CCDC181: variants seen among roughly 807,000 people sequenced by gnomAD.
CCDC181 encodes the protein coiled-coil domain-containing protein 181.
Under a neutral mutation model 58.7 loss-of-function variants are expected in CCDC181, and 35 were observed. The ratio of observed to expected loss-of-function variants is 0.60; its 90% CI spans 0.46 to 0.79. The LOEUF (loss-of-function observed/expected upper bound fraction) is 0.79, where lower values mean the gene tolerates loss of function less well. Ranked by LOEUF, CCDC181 falls within the 30% of genes least tolerant of loss-of-function variation. The pLI, the probability that CCDC181 is intolerant of heterozygous loss-of-function variation, is 0.00. For missense variants in CCDC181, 517 were observed against 583.9 expected, an observed-to-expected ratio of 0.89 and a Z score of 1.18; for synonymous variants, 183 against 197.5, an observed-to-expected ratio of 0.93 and a Z score of 0.62.
chr1:169,457,293 A>G (rs1657700675), intron 2 of CCDC181, among the ~76,000 whole-genome samples: 1 of 152,088 alleles, frequency 6.6e-6, no homozygotes, highest in Non-Finnish European at 1.5e-5. Context: ...CAGTTTTGCT[A>G]AATTCTCATT....
intron 2 of CCDC181, among the ~76,000 whole-genome samples, chr1:169,450,967 A>G (rs1657521467): frequency 6.6e-6 from 1 of 152,060 alleles, no homozygotes; most frequent in South Asian, 2.1e-4. Flanking sequence ...TTGGATTTTT[A>G]TTTTTCTCAG....
At chr1:169,449,181 TG>T (rs1398894001) in intron 2 of CCDC181, among the ~76,000 whole-genome samples, 1 of 152,218 alleles carries the variant, frequency 6.6e-6, no homozygotes, top group African/African-American at 2.4e-5. Context: ...CTCTTCAGAC[TG>T]TTTTTGTTTG....
chr1:169,422,341 A>G, intron 2 of CCDC181, 28 bp from the exon 3 acceptor site: 4 of 1,461,748 alleles, frequency 2.7e-6, no homozygotes, highest in Admixed American at 2.2e-5. Flanking sequence ...TTCAGTCAAA[A>G]TTGAGATTCT....
intron 2 of CCDC181, among the ~76,000 whole-genome samples, chr1:169,441,272 C>T (rs1299003286): frequency 6.6e-6 from 1 of 152,064 alleles, no homozygotes; most frequent in African/African-American, 2.4e-5. Context: ...TTAAGTTCAT[C>T]ACTTTTTCTG....
chr1:169,457,546 C>T (rs1197788870), intron 2 of CCDC181, among the ~76,000 whole-genome samples: 1 of 152,074 alleles, frequency 6.6e-6, no homozygotes, highest in East Asian at 1.9e-4. Flanking sequence ...TTGATACAAA[C>T]AAGAGTTAAG....
chr1:169,448,041 C>T (rs1657429501), intron 2 of CCDC181, among the ~76,000 whole-genome samples: 1 of 152,072 alleles, frequency 6.6e-6, no homozygotes, highest in African/African-American at 2.4e-5. Flanking sequence ...TTTTAACAAA[C>T]TTAAAACTAA....
At chr1:169,413,240 T>C (rs1656057224) in intron 4 of CCDC181, among the ~76,000 whole-genome samples, 1 of 152,190 alleles carries the variant, frequency 6.6e-6, no homozygotes, top group South Asian at 2.1e-4. Context: ...TAAGAAGACA[T>C]TTATGCAGCC....
intron 4 of CCDC181, among the ~76,000 whole-genome samples, chr1:169,398,338 A>G (rs1298797346): frequency 2.0e-5 from 3 of 152,228 alleles, no homozygotes; most frequent in Non-Finnish European, 4.4e-5. Context: ...TTGAGGTAAT[A>G]TGCTAATTAC....
rs184338982 is a variant in CCDC181, at chr1:169,446,206, G to T, written c.-24+13591C>A. ...CACACCTATAATCCCAGCACTTTGG[G>T]AGGCCGAGGCAGGCGGACCATGAGG... On this transcript the variant is annotated intron_variant, in intron 2 of 6. Transcript: ENST00000545005. Among the ~76,000 whole-genome samples the T allele has an allele frequency of 4.3e-4, 65 of 152,260 alleles. No individual in the cohort carries two copies. In the East Asian group the frequency reaches 0.012, roughly 27 times the overall value.
chr1:169,422,378 G>C, intron 2 of CCDC181, 65 bp from the exon 3 acceptor site: 1 of 1,171,192 alleles, frequency 8.5e-7, no homozygotes, highest in Non-Finnish European at 1.2e-6. Context: ...ATACAAAATG[G>C]GATTTTTCCT....
chr1:169,429,047 G>A (rs2102110534), upstream of CCDC181, among the ~76,000 whole-genome samples: 1 of 152,258 alleles, frequency 6.6e-6, no homozygotes, highest in East Asian at 1.9e-4. Context: ...AACATATGAT[G>A]TTTGGTTTTC....
intron 2 of CCDC181, among the ~76,000 whole-genome samples, chr1:169,423,511 C>A (rs537940582): frequency 6.6e-6 from 1 of 151,938 alleles, no homozygotes; most frequent in Admixed American, 6.6e-5. Context: ...GCTCAGTCAT[C>A]CCCTTTTCCC....
At chr1:169,418,048 C>T (rs79758658) in intron 4 of CCDC181, among the ~76,000 whole-genome samples, 6,806 of 152,280 alleles carry the variant, frequency 0.045, 214 homozygotes, top group East Asian at 0.12. Context: ...CATTTACTCT[C>T]ACACACTGTT....
intron 2 of CCDC181, among the ~76,000 whole-genome samples, chr1:169,457,621 T>C (rs1657712169): frequency 6.6e-6 from 1 of 152,188 alleles, no homozygotes; most frequent in Admixed American, 6.5e-5. Flanking sequence ...ATCCATGACA[T>C]AGAGGAATTA....
At chr1:169,439,827 G>A in intron 2 of CCDC181, among the ~76,000 whole-genome samples, 1 of 152,116 alleles carries the variant, frequency 6.6e-6, no homozygotes, top group East Asian at 1.9e-4. Context: ...AAAGGGAATA[G>A]AGTGATAAGA....
At chr1:169,431,778 A>G (rs1187705400), upstream of CCDC181, among the ~76,000 whole-genome samples, 3 of 152,150 alleles carry the variant, frequency 2.0e-5, no homozygotes, top group Non-Finnish European at 2.9e-5. Context: ...CTGTCCTCCT[A>G]TTGATGAGGG....
At position 169,397,287 on chromosome 1, in the gene CCDC181, T is replaced by TAA; in HGVS notation, c.1319_1320insTT (p.Glu440AspfsTer21). On this transcript the variant is annotated frameshift_variant, in exon 5 of 6. Transcript: ENST00000367806. LOFTEE classifies it high-confidence loss of function. ...CTGTTCCTTTAAGGAAGAATAAACA[T>TAA]TCCTCTTGCTTTCTTAGTTCTTCTG... 6.2e-7 allele frequency: 1 copy of TAA among 1,611,056 alleles called. No homozygotes were observed. The highest frequency in any genetic ancestry group is 8.5e-7 in the Non-Finnish European group (1 of 1,178,676).
At chr1:169,416,974 A>G (rs921100977) in intron 4 of CCDC181, among the ~76,000 whole-genome samples, 3 of 152,174 alleles carry the variant, frequency 2.0e-5, no homozygotes, top group Non-Finnish European at 2.9e-5. Context: ...AAACCAAACT[A>G]AAAAAGGAAA....
intron 2 of CCDC181, among the ~76,000 whole-genome samples, chr1:169,432,872 C>T (rs768485464): frequency 1.3e-5 from 2 of 151,984 alleles, no homozygotes; most frequent in South Asian, 2.1e-4. Context: ...ATGAAAAACC[C>T]GCACCAAACA....
Sources: gnomAD v4.1 joint callset for allele counts (sites outside exome capture counted in the v4.1 genomes callset) on GRCh38, gnomAD v4.1.1 for gene constraint, MANE v1.5 for transcripts, NCBI Gene and HGNC (gene_info 2026-07-23, HGNC 2026-07-21) for gene names.